The following FGF10 variants were observed in gnomAD, a reference collection of about 807,000 sequenced individuals.
The protein encoded by FGF10 is fibroblast growth factor 10, also known as FGF-10.
A neutral mutation model predicts 19.8 loss-of-function variants in FGF10; 2 were observed. The ratio of observed to expected loss-of-function variants is 0.10; its 90% CI spans 0.04 to 0.32. The LOEUF (loss-of-function observed/expected upper bound fraction) is 0.32, where lower values mean the gene tolerates loss of function less well. FGF10 is among the 10% of genes least tolerant of loss of function. The pLI is 1.00. For synonymous variants in FGF10, 112 were observed against 94.0 expected (o/e 1.19, Z -1.10); for missense variants, 191 against 246.3 (o/e 0.78, Z 1.50).
chr5:44,367,632 C>A (rs934867602), intron 1 of FGF10, among the ~76,000 whole-genome samples: 3 of 151,962 alleles, frequency 2.0e-5, no homozygotes, highest in African/African-American at 7.2e-5. Context: ...AACCTAGTAT[C>A]CACACTCTAG....
At chr5:44,360,124 A>T (rs796247433) in intron 1 of FGF10, among the ~76,000 whole-genome samples, 1 of 151,494 alleles carries the variant, frequency 6.6e-6, no homozygotes, top group Non-Finnish European at 1.5e-5. Flanking sequence ...ACAGATTATG[A>T]CTTCATGGAA....
At position 44,304,847 on chromosome 5, in the gene FGF10, C is replaced by CA. The variant is rs1349231834; in HGVS notation, c.*147dup. 4.0e-6 allele frequency: 3 copies of CA among 755,720 alleles called. No homozygotes were observed. In the Admixed American group the frequency reaches 6.3e-5, roughly 16 times the overall value. 46.8% of individuals were successfully genotyped at this position (755,720 alleles called of 1,614,324 possible). On this transcript the variant is annotated 3_prime_UTR_variant, in exon 3 of 3. Coordinates refer to ENST00000264664, the MANE Select transcript of FGF10 (RefSeq NM_004465.2). ...GAACATCATATGTCAGCAGTGAATA[C>CA]AAAAACCTTCAAAGGCTGGCTTTCT...
intron 1 of FGF10, among the ~76,000 whole-genome samples, chr5:44,369,820 A>G (rs1418852017): frequency 1.3e-5 from 2 of 152,170 alleles, no homozygotes; most frequent in Non-Finnish European, 2.9e-5. Flanking sequence ...CCTTTCCAGA[A>G]TATGTGCAAA....
intron 1 of FGF10, among the ~76,000 whole-genome samples, chr5:44,375,740 G>A (rs1289448567): frequency 6.6e-6 from 1 of 152,050 alleles, no homozygotes; most frequent in African/African-American, 2.4e-5. Context: ...AGACTGAACA[G>A]GTGTTAATAA....
chr5:44,331,354 G>A (rs1481699835), intron 1 of FGF10, among the ~76,000 whole-genome samples: 1 of 151,946 alleles, frequency 6.6e-6, no homozygotes, highest in African/African-American at 2.4e-5. Context: ...ACATCTATCA[G>A]TATCCAAATT....
chr5:44,338,860 CAG>C (rs1272990503), intron 1 of FGF10, among the ~76,000 whole-genome samples: 1 of 152,084 alleles, frequency 6.6e-6, no homozygotes, highest in Non-Finnish European at 1.5e-5. Flanking sequence ...AAGAAGATAA[CAG>C]AGAATTAATG....
chr5:44,365,690 A>C (rs1432921516), intron 1 of FGF10, among the ~76,000 whole-genome samples: 1 of 152,002 alleles, frequency 6.6e-6, no homozygotes, highest in Non-Finnish European at 1.5e-5. Flanking sequence ...CCTTGATTGG[A>C]AGATCTAACC....
At chr5:44,357,460 A>T (rs970432774) in intron 1 of FGF10, among the ~76,000 whole-genome samples, 1 of 151,576 alleles carries the variant, frequency 6.6e-6, no homozygotes, top group African/African-American at 2.4e-5. Context: ...GAGAATTCAC[A>T]GTTGAAACTG....
chr5:44,316,139 G>T (rs926295314), intron 1 of FGF10, among the ~76,000 whole-genome samples: 1 of 152,090 alleles, frequency 6.6e-6, no homozygotes, highest in Non-Finnish European at 1.5e-5. Flanking sequence ...ACAATGCAAG[G>T]AAGGGATCTA....
Position 44,303,091 on chromosome 5 carries a change from C to CA in FGF10, c.*1903dup, listed in dbSNP as rs1371410511. On this transcript the variant is annotated 3_prime_UTR_variant, in exon 3 of 3. Coordinates refer to ENST00000264664, the MANE Select transcript of FGF10 (RefSeq NM_004465.2). Reference sequence around the variant, plus strand: ...TAAACATTTTTATAATCTCATTTGCCAAAAAGCAAGTTGGAAGCAAAGTAT... The same window carrying CA: ...TAAACATTTTTATAATCTCATTTGCCAAAAAAGCAAGTTGGAAGCAAAGTAT... 1.3e-5 allele frequency among the ~76,000 whole-genome samples: 2 copies of CA among 151,990 alleles called. No homozygotes were observed. The highest frequency in any genetic ancestry group is 2.4e-5 in the African/African-American group (1 of 41,394).
At chr5:44,382,217 G>A (rs192967289) in intron 1 of FGF10, among the ~76,000 whole-genome samples, 1 of 152,214 alleles carries the variant, frequency 6.6e-6, no homozygotes, top group East Asian at 1.9e-4. Flanking sequence ...AATCTACTCT[G>A]AGTGTCTTCT....
chr5:44,339,504 C>G (rs1490657740), intron 1 of FGF10, among the ~76,000 whole-genome samples: 1 of 152,146 alleles, frequency 6.6e-6, no homozygotes, highest in East Asian at 1.9e-4. Flanking sequence ...GGGCTTTGTT[C>G]TGGTATAGCA....
chr5:44,315,643 T>C (rs953540583), intron 1 of FGF10, among the ~76,000 whole-genome samples: 1 of 152,184 alleles, frequency 6.6e-6, no homozygotes, highest in African/African-American at 2.4e-5. Flanking sequence ...TATAGTTTTA[T>C]AGTTTTAATC....
intron 1 of FGF10, among the ~76,000 whole-genome samples, chr5:44,314,413 G>T (rs1003041213): frequency 6.6e-6 from 1 of 152,036 alleles, no homozygotes; most frequent in South Asian, 2.1e-4. Flanking sequence ...AATCTATAAA[G>T]CTTATTTTAG....
At chr5:44,329,101 G>A (rs13170645) in intron 1 of FGF10, among the ~76,000 whole-genome samples, 81,882 of 152,026 alleles carry the variant, frequency 0.54, 24,027 homozygotes, top group Non-Finnish European at 0.67. Flanking sequence ...AATTAATAAT[G>A]TAGATTGTGC....
At chr5:44,385,314 C>T (rs1742073244) in intron 1 of FGF10, among the ~76,000 whole-genome samples, 1 of 152,080 alleles carries the variant, frequency 6.6e-6, no homozygotes, top group Non-Finnish European at 1.5e-5. Flanking sequence ...TTTGTTAACG[C>T]ATGTAGTCTT....
At position 44,301,085 on chromosome 5, in the gene FGF10, T is replaced by G. The variant is rs1739956324; in HGVS notation, c.*3910A>C. Among the ~76,000 whole-genome samples, 1 of 152,150 alleles carries G rather than the reference T, an allele frequency of 6.6e-6. No individual in the cohort carries two copies. The highest frequency in any genetic ancestry group is 1.5e-5 in the Non-Finnish European group (1 of 68,022). On this transcript the variant is annotated 3_prime_UTR_variant, in exon 3 of 3. Coordinates refer to ENST00000264664, the MANE Select transcript of FGF10 (RefSeq NM_004465.2). Reference sequence around the variant, plus strand: ...TACTCATAGAACTCAGAGTTCCTTTTTCTCCTGAGCATCCTTCAAAGATAT... The same window carrying G: ...TACTCATAGAACTCAGAGTTCCTTTGTCTCCTGAGCATCCTTCAAAGATAT...
intron 1 of FGF10, among the ~76,000 whole-genome samples, chr5:44,342,294 C>T (rs1740987671): frequency 6.6e-6 from 1 of 151,892 alleles, no homozygotes; most frequent in African/African-American, 2.4e-5. Context: ...AGCATCTAGA[C>T]CTTACTTTTA....
chr5:44,358,651 T>C (rs1379995596), intron 1 of FGF10, among the ~76,000 whole-genome samples: 16 of 151,436 alleles, frequency 1.1e-4, no homozygotes, highest in Non-Finnish European at 2.4e-4. Flanking sequence ...AGCCTCGTAA[T>C]GCAGTTTCAC....
Sources: allele counts gnomAD v4.1 joint callset (sites outside exome capture counted in the v4.1 genomes callset), GRCh38; gene constraint gnomAD v4.1.1; transcripts MANE v1.5; gene names NCBI Gene and HGNC (gene_info 2026-07-23, HGNC 2026-07-21).